The following GPC5 variants were observed in gnomAD, a reference collection of about 807,000 sequenced individuals.
GPC5 encodes glypican 5, also known as glypican-5.
Under a neutral mutation model 53.9 loss-of-function variants are expected in GPC5, and 47 were observed. That is an observed-to-expected ratio of 0.87 (90% CI 0.69 to 1.11). The LOEUF (loss-of-function observed/expected upper bound fraction) is 1.11. GPC5 is among the 50% of genes most tolerant of loss of function. The pLI, the probability that GPC5 is intolerant of heterozygous loss-of-function variation, is 0.00. For synonymous variants in GPC5, 286 were observed against 263.3 expected (o/e 1.09, Z -0.84); for missense variants, 748 against 713.1 (o/e 1.05, Z -0.56).
intron 2 of GPC5, among the ~76,000 whole-genome samples, chr13:91,656,827 A>G (rs2034856559): frequency 1.3e-5 from 2 of 152,206 alleles, no homozygotes; most frequent in Admixed American, 1.3e-4. Context: ...TCAACAAATT[A>G]CATAATGTTT....
intron 7 of GPC5, among the ~76,000 whole-genome samples, chr13:92,864,823 T>A (rs1044933100): frequency 6.6e-6 from 1 of 152,172 alleles, no homozygotes; most frequent in Admixed American, 6.6e-5. Flanking sequence ...GTTTTAGTGC[T>A]CTCATGTCTG....
chr13:91,946,070 T>C (rs1193530809), intron 6 of GPC5, among the ~76,000 whole-genome samples: 1 of 152,120 alleles, frequency 6.6e-6, no homozygotes, highest in Non-Finnish European at 1.5e-5. Flanking sequence ...CTTGTGAGTC[T>C]CTAATGATCT....
intron 7 of GPC5, among the ~76,000 whole-genome samples, chr13:92,161,152 T>A (rs1251091730): frequency 6.6e-6 from 1 of 152,112 alleles, no homozygotes; most frequent in African/African-American, 2.4e-5. Context: ...TTCTTGATCA[T>A]GGAGTATATA....
At chr13:92,052,819 C>A (rs1366203583) in intron 6 of GPC5, among the ~76,000 whole-genome samples, 1 of 152,038 alleles carries the variant, frequency 6.6e-6, no homozygotes, top group Non-Finnish European at 1.5e-5. Context: ...GAGGAAGTTG[C>A]AAAGGACACC....
chr13:91,525,595 A>G (rs1886048694), intron 2 of GPC5, among the ~76,000 whole-genome samples: 1 of 152,176 alleles, frequency 6.6e-6, no homozygotes, highest in Non-Finnish European at 1.5e-5. Context: ...ATTTCCACAG[A>G]GGTATGGGAT....
intron 6 of GPC5, among the ~76,000 whole-genome samples, chr13:91,984,267 G>A (rs1410799320): frequency 1.3e-5 from 2 of 152,060 alleles, no homozygotes; most frequent in Non-Finnish European, 2.9e-5. Flanking sequence ...CTGAGTATGT[G>A]ACTAAATTGT....
At chr13:92,285,085 T>C (rs1241274920) in intron 7 of GPC5, among the ~76,000 whole-genome samples, 1 of 152,100 alleles carries the variant, frequency 6.6e-6, no homozygotes, top group Admixed American at 6.6e-5. Context: ...ACAAGCATTC[T>C]TATACACTAA....
intron 7 of GPC5, among the ~76,000 whole-genome samples, chr13:92,312,514 T>C (rs1321550095): frequency 6.6e-6 from 1 of 152,208 alleles, no homozygotes; most frequent in African/African-American, 2.4e-5. Flanking sequence ...ATTTGGACTA[T>C]TTTATATTTT....
chr13:91,437,584 A>C (rs9560793), intron 1 of GPC5, among the ~76,000 whole-genome samples: 1 of 151,762 alleles, frequency 6.6e-6, no homozygotes, highest in African/African-American at 2.4e-5. Flanking sequence ...TTCCCTTTGC[A>C]GGTAACATTT....
At chr13:92,861,121 TAATA>T (rs767432987) in intron 7 of GPC5, among the ~76,000 whole-genome samples, 12 of 152,116 alleles carry the variant, frequency 7.9e-5, no homozygotes, top group African/African-American at 2.7e-4. Flanking sequence ...TTTTCTGTAT[TAATA>T]AATATTTACT....
intron 2 of GPC5, among the ~76,000 whole-genome samples, chr13:91,690,154 A>G (rs992162098): frequency 1.3e-5 from 2 of 152,196 alleles, no homozygotes; most frequent in African/African-American, 4.8e-5. Flanking sequence ...TCACCAAAAC[A>G]TCATTACAAG....
At chr13:92,385,523 T>TATACATATAC (rs1566567787) in intron 7 of GPC5, among the ~76,000 whole-genome samples, 3 of 137,700 alleles carry the variant, frequency 2.2e-5, no homozygotes, top group Non-Finnish European at 4.5e-5. Flanking sequence ...TACATACATA[T>TATACATATAC]GCATATATAC....
At chr13:92,662,998 C>CCAAA (rs1886401164) in intron 7 of GPC5, among the ~76,000 whole-genome samples, 2 of 152,206 alleles carry the variant, frequency 1.3e-5, no homozygotes, top group South Asian at 2.1e-4. Flanking sequence ...TTGTTAAGAA[C>CCAAA]CAAACACATG....
At chr13:92,852,743 G>A (rs1454637798) in intron 7 of GPC5, among the ~76,000 whole-genome samples, 8 of 151,998 alleles carry the variant, frequency 5.3e-5, no homozygotes, top group East Asian at 1.9e-4. Flanking sequence ...GTCCCCAGAC[G>A]GAAGCTCCTA....
intron 1 of GPC5, among the ~76,000 whole-genome samples, chr13:91,447,512 C>A (rs931685396): frequency 3.3e-5 from 5 of 152,116 alleles, no homozygotes; most frequent in African/African-American, 1.2e-4. Flanking sequence ...CTGACTTAAA[C>A]TACAGCCAAA....
At chr13:92,536,923 AG>A (rs1881744708) in intron 7 of GPC5, among the ~76,000 whole-genome samples, 1 of 151,946 alleles carries the variant, frequency 6.6e-6, no homozygotes, top group Admixed American at 6.6e-5. Flanking sequence ...ATTCTTTGTA[AG>A]TTTTGATCTC....
chr13:92,752,594 G>C (rs1594480123), intron 7 of GPC5, among the ~76,000 whole-genome samples: 1 of 152,156 alleles, frequency 6.6e-6, no homozygotes, highest in African/African-American at 2.4e-5. Flanking sequence ...CATCTCACTA[G>C]GGAGTGCCAG....
chr13:91,657,037 A>T (rs1397566892), intron 2 of GPC5, among the ~76,000 whole-genome samples: 1 of 152,136 alleles, frequency 6.6e-6, no homozygotes, highest in Non-Finnish European at 1.5e-5. Flanking sequence ...GTTACTAAAT[A>T]TATATGAGAT....
intron 1 of GPC5, among the ~76,000 whole-genome samples, chr13:91,434,337 C>G (rs952989451): frequency 4.6e-5 from 7 of 152,002 alleles, no homozygotes; most frequent in African/African-American, 1.7e-4. Flanking sequence ...GGTTTTAGGT[C>G]TAACATTTAA....
Sources: gnomAD v4.1 joint callset for allele counts (sites outside exome capture counted in the v4.1 genomes callset) on GRCh38, gnomAD v4.1.1 for gene constraint, MANE v1.5 for transcripts, NCBI Gene and HGNC (gene_info 2026-07-23, HGNC 2026-07-21) for gene names.